TFEC: variants seen among roughly 807,000 people sequenced by gnomAD.
TFEC encodes the protein transcription factor EC.
Under a neutral mutation model 41.6 loss-of-function variants are expected in TFEC, and 31 were observed. That is an observed-to-expected ratio of 0.74 (90% CI 0.56 to 1.01). The LOEUF (loss-of-function observed/expected upper bound fraction) is 1.01. Ranked by LOEUF, TFEC falls within the 50% of genes least tolerant of loss-of-function variation. The pLI is 0.00. For missense variants in TFEC, 402 were observed against 404.1 expected, an observed-to-expected ratio of 0.99 and a Z score of 0.04; for synonymous variants, 143 against 140.6, an observed-to-expected ratio of 1.02 and a Z score of -0.12.
At chr7:115,988,197 A>G (rs1793943536) in intron 1 of TFEC, among the ~76,000 whole-genome samples, 1 of 152,154 alleles carries the variant, frequency 6.6e-6, no homozygotes, top group African/African-American at 2.4e-5. Flanking sequence ...CTAAAAGGCT[A>G]AAAAACATGG....
intron 3 of TFEC, among the ~76,000 whole-genome samples, chr7:116,076,840 G>A (rs1796970783): frequency 6.6e-6 from 1 of 152,012 alleles, no homozygotes; most frequent in Admixed American, 6.6e-5. Context: ...CTAAACATTT[G>A]GTAAACATAC....
At chr7:116,069,615 C>T (rs1042016668) in intron 3 of TFEC, among the ~76,000 whole-genome samples, 18 of 151,646 alleles carry the variant, frequency 1.2e-4, no homozygotes, top group African/African-American at 4.1e-4. Context: ...TTTTAATGAG[C>T]ACTGCTTTCT....
chr7:116,118,363 G>A (rs1359512202), intron 1 of TFEC, among the ~76,000 whole-genome samples: 1 of 151,776 alleles, frequency 6.6e-6, no homozygotes, highest in Non-Finnish European at 1.5e-5. Context: ...ATTATCAAAT[G>A]TTTTCTCAAA....
chr7:116,101,894 G>A (rs1253726295), intron 3 of TFEC, among the ~76,000 whole-genome samples: 1 of 152,138 alleles, frequency 6.6e-6, no homozygotes. Context: ...CTGAACATTT[G>A]TTCATATGTT....
At chr7:116,066,014 G>A (rs975444797) in intron 3 of TFEC, among the ~76,000 whole-genome samples, 4 of 152,064 alleles carry the variant, frequency 2.6e-5, no homozygotes, top group African/African-American at 9.7e-5. Flanking sequence ...AACAGAAATA[G>A]CTATACCAGC....
chr7:116,015,135 T>C (rs1423527958), intron 1 of TFEC, among the ~76,000 whole-genome samples: 1 of 150,340 alleles, frequency 6.7e-6, no homozygotes, highest in Non-Finnish European at 1.5e-5. Flanking sequence ...TAGAATTATA[T>C]AATTCTGAGT....
chr7:116,129,480 A>C (rs1383707067), intron 1 of TFEC, among the ~76,000 whole-genome samples: 1 of 151,964 alleles, frequency 6.6e-6, no homozygotes, highest in African/African-American at 2.4e-5. Context: ...AAGATAATAT[A>C]ATAATCCCCA....
intron 1 of TFEC, among the ~76,000 whole-genome samples, chr7:116,024,041 C>T (rs1235571060): frequency 6.6e-6 from 1 of 152,092 alleles, no homozygotes; most frequent in East Asian, 1.9e-4. Flanking sequence ...AGCAAATCTA[C>T]TTGATATTTG....
At chr7:115,985,436 C>G (rs1429376971) in intron 1 of TFEC, among the ~76,000 whole-genome samples, 3 of 152,056 alleles carry the variant, frequency 2.0e-5, no homozygotes, top group Non-Finnish European at 4.4e-5. Context: ...ACATTTTTCT[C>G]AAGTGGCCTA....
chr7:115,955,543 G>A (rs1343312528), intron 4 of TFEC, among the ~76,000 whole-genome samples: 1 of 151,982 alleles, frequency 6.6e-6, no homozygotes, highest in African/African-American at 2.4e-5. Context: ...CAAGTCTCAG[G>A]TGTCTGTACT....
intron 1 of TFEC, among the ~76,000 whole-genome samples, chr7:116,148,658 G>A (rs1351745165): frequency 6.6e-6 from 1 of 152,148 alleles, no homozygotes; most frequent in African/African-American, 2.4e-5. Flanking sequence ...CCTCCATTGC[G>A]GCTATGGATG....
intron 3 of TFEC, among the ~76,000 whole-genome samples, chr7:116,050,989 C>T (rs62475172): frequency 0.03 from 4,497 of 152,254 alleles, 120 homozygotes; most frequent in Non-Finnish European, 0.038. Flanking sequence ...GAGTTCATGT[C>T]CTTTGTAGGG....
At chr7:116,070,343 T>C (rs781183308) in intron 3 of TFEC, among the ~76,000 whole-genome samples, 16 of 151,480 alleles carry the variant, frequency 1.1e-4, no homozygotes, top group Admixed American at 2.6e-4. Flanking sequence ...AGCAAACAAA[T>C]AGATTTTTGC....
chr7:116,118,744 G>C (rs1798046656), intron 1 of TFEC, among the ~76,000 whole-genome samples: 1 of 151,798 alleles, frequency 6.6e-6, no homozygotes, highest in South Asian at 2.1e-4. Context: ...AGATACAGTA[G>C]GAGATATTTA....
intron 1 of TFEC, among the ~76,000 whole-genome samples, chr7:116,152,398 T>C (rs1798780167): frequency 6.6e-6 from 1 of 152,160 alleles, no homozygotes; most frequent in Non-Finnish European, 1.5e-5. Flanking sequence ...AGTTAGAATT[T>C]GCAGGGCAGA....
At chr7:116,158,850 TTTTG>T (rs561644309) in intron 1 of TFEC, among the ~76,000 whole-genome samples, 118 of 152,180 alleles carry the variant, frequency 7.8e-4, no homozygotes, top group Non-Finnish European at 1.5e-3. Context: ...TTATATTTGC[TTTTG>T]TTTTTGATAT....
chr7:115,966,002 T>A (rs1792829073), intron 3 of TFEC, among the ~76,000 whole-genome samples: 1 of 151,582 alleles, frequency 6.6e-6, no homozygotes. Flanking sequence ...TCCCCGCCAC[T>A]AGTATTTCTT....
Position 115,944,336 on chromosome 7 carries a change from C to T in TFEC, c.516-2296G>A, listed in dbSNP as rs1249292378. Among the ~76,000 whole-genome samples the T allele has an allele frequency of 6.6e-5, 10 of 151,378 alleles. No homozygotes were observed. In the East Asian group the frequency reaches 1.8e-3, roughly 27 times the overall value. On this transcript the variant is annotated intron_variant, in intron 6 of 7. Coordinates refer to ENST00000265440, the MANE Select transcript of TFEC (RefSeq NM_012252.4). ...AGAAAGCTAAAGAGGACAACTACTA[C>T]ATGTTGTAGAAGCTCTTCACTCTTT...
At chr7:116,028,705 A>G (rs1361329577) in intron 1 of TFEC, among the ~76,000 whole-genome samples, 1 of 152,242 alleles carries the variant, frequency 6.6e-6, no homozygotes, top group East Asian at 1.9e-4. Flanking sequence ...TCTAATTGAC[A>G]TCTGATAGCT....
Sources: gnomAD v4.1 joint callset for allele counts (sites outside exome capture counted in the v4.1 genomes callset) on GRCh38, gnomAD v4.1.1 for gene constraint, MANE v1.5 for transcripts, NCBI Gene and HGNC (gene_info 2026-07-23, HGNC 2026-07-21) for gene names.